CSGALNACT1: variants seen among roughly 807,000 people sequenced by gnomAD.
CSGALNACT1 encodes the protein beta4GalNAcT-1.
A neutral mutation model predicts 51.0 loss-of-function variants in CSGALNACT1; 52 were observed. The ratio of observed to expected loss-of-function variants is 1.02; its 90% CI spans 0.82 to 1.29. The LOEUF (loss-of-function observed/expected upper bound fraction) is 1.29, where lower values mean the gene tolerates loss of function less well. Ranked by LOEUF, CSGALNACT1 falls within the 50% of genes most tolerant of loss-of-function variation. The probability of loss-of-function intolerance (pLI) is 0.00; values close to 1 mark genes in which losing one functional copy is unlikely to be tolerated. For missense variants in CSGALNACT1, 935 were observed against 679.2 expected, an observed-to-expected ratio of 1.38 and a Z score of -4.19; for synonymous variants, 341 against 254.4, an observed-to-expected ratio of 1.34 and a Z score of -3.24.
intron 1 of CSGALNACT1, among the ~76,000 whole-genome samples, chr8:19,725,149 C>T (rs1023868684): frequency 2.0e-5 from 3 of 152,196 alleles, no homozygotes; most frequent in Admixed American, 6.5e-5. Flanking sequence ...ACCGAGTCTC[C>T]CTCTGACACT....
intron 6 of CSGALNACT1, among the ~76,000 whole-genome samples, chr8:19,429,149 G>A (rs914533226): frequency 4.6e-5 from 7 of 151,906 alleles, no homozygotes; most frequent in African/African-American, 1.7e-4. Flanking sequence ...TCCTATAAAT[G>A]GGATTATACA....
rs988892739 is a variant in CSGALNACT1, at chr8:19,553,636, TATAAAAAA to T, written c.-297+37516_-297+37523del. ...ATATAAATACATATATATATATATA[TATAAAAAA>T]ATATGTCAGCCTTTCTATTACTTCT... On this transcript the variant is annotated intron_variant, in intron 3 of 9. Transcript: ENST00000454498. Among the ~76,000 whole-genome samples the T allele has an allele frequency of 1.5e-4, 21 of 141,092 alleles. 2 individuals are homozygous for T. Among genetic ancestry groups the T allele is most frequent in the African/African-American group, 4.9e-4 (18 of 36,980 alleles). The allele number at this position is 141,092 out of a possible 152,430, so 92.6% of individuals were successfully genotyped here.
At chr8:19,572,902 C>A (rs1339442816) in intron 3 of CSGALNACT1, among the ~76,000 whole-genome samples, 2 of 152,134 alleles carry the variant, frequency 1.3e-5, no homozygotes, top group African/African-American at 2.4e-5. Flanking sequence ...AGTACTTTCT[C>A]CAGAAAATTG....
chr8:19,548,438 T>G (rs1224895462), intron 3 of CSGALNACT1, among the ~76,000 whole-genome samples: 1 of 152,206 alleles, frequency 6.6e-6, no homozygotes, highest in African/African-American at 2.4e-5. Flanking sequence ...AAAAACTCAC[T>G]GCTGTTTTTC....
intron 4 of CSGALNACT1, among the ~76,000 whole-genome samples, chr8:19,497,562 T>G (rs2075706068): frequency 1.3e-5 from 2 of 152,090 alleles, no homozygotes; most frequent in African/African-American, 4.8e-5. Flanking sequence ...GAATAATATG[T>G]TAAAGGCTCT....
chr8:19,542,973 G>C (rs1257988488), intron 3 of CSGALNACT1, among the ~76,000 whole-genome samples: 1 of 151,986 alleles, frequency 6.6e-6, no homozygotes, highest in East Asian at 1.9e-4. Flanking sequence ...AACAAGCAGA[G>C]AGCATGGTCT....
chr8:19,419,578 G>A (rs926473434), intron 7 of CSGALNACT1, among the ~76,000 whole-genome samples: 1 of 152,194 alleles, frequency 6.6e-6, no homozygotes, highest in African/African-American at 2.4e-5. Context: ...AGTCATTTTA[G>A]TACTGTGGGT....
intron 1 of CSGALNACT1, among the ~76,000 whole-genome samples, chr8:19,734,897 C>T (rs534915842): frequency 2.2e-4 from 33 of 151,790 alleles, no homozygotes; most frequent in South Asian, 2.1e-4. Flanking sequence ...TCTGAATGCA[C>T]GGTTGAGATG....
At chr8:19,733,512 C>G (rs1014267983) in intron 1 of CSGALNACT1, among the ~76,000 whole-genome samples, 1 of 152,032 alleles carries the variant, frequency 6.6e-6, no homozygotes, top group Non-Finnish European at 1.5e-5. Context: ...GAGCCAGCAG[C>G]TGTGTGACAT....
At chr8:19,450,295 G>A (rs1437423335) in intron 5 of CSGALNACT1, among the ~76,000 whole-genome samples, 1 of 148,468 alleles carries the variant, frequency 6.7e-6, no homozygotes, top group African/African-American at 2.5e-5. Context: ...AGGAGGAGAA[G>A]GAGGAGGAGG....
intron 3 of CSGALNACT1, among the ~76,000 whole-genome samples, chr8:19,574,254 T>C (rs1480328115): frequency 2.0e-5 from 3 of 152,216 alleles, no homozygotes; most frequent in Admixed American, 2.0e-4. Flanking sequence ...TGAGCTGCTC[T>C]ACTGGGGACT....
chr8:19,531,896 C>T (rs899765808), intron 3 of CSGALNACT1: 11 of 152,286 alleles, frequency 7.2e-5, no homozygotes, highest in African/African-American at 2.2e-4. Context: ...CAGATGGGGC[C>T]TCTGGGTTTC....
rs577844339 is a variant in CSGALNACT1, at chr8:19,573,160, A to G, written c.-297+18000T>C. Among the ~76,000 whole-genome samples, 21 of 152,332 alleles carry G rather than the reference A, an allele frequency of 1.4e-4. No homozygotes were observed. In the South Asian group the frequency reaches 4.3e-3, roughly 32 times the overall value. ...TTGATCTCAAGACATGAAAAAGATT[A>G]AGTCAGCTTGGTTCATCCTCTCCTC... On this transcript the variant is annotated intron_variant, in intron 3 of 9. Coordinates refer to ENST00000454498, the Ensembl canonical transcript of CSGALNACT1.
intron 6 of CSGALNACT1, among the ~76,000 whole-genome samples, chr8:19,432,622 G>GT (rs112535123): frequency 4.6e-5 from 7 of 151,696 alleles, no homozygotes; most frequent in South Asian, 2.1e-4. Flanking sequence ...TCTTTTTTCT[G>GT]TTTTTTTCTG....
At chr8:19,447,971 G>A (rs916748661) in intron 5 of CSGALNACT1, among the ~76,000 whole-genome samples, 3 of 152,224 alleles carry the variant, frequency 2.0e-5, no homozygotes, top group Admixed American at 1.3e-4. Context: ...TGGTGGGTAC[G>A]GTAGCAGCAG....
intron 1 of CSGALNACT1, among the ~76,000 whole-genome samples, chr8:19,698,073 G>A (rs571374361): frequency 2.0e-5 from 3 of 152,234 alleles, no homozygotes; most frequent in African/African-American, 7.2e-5. Context: ...CACTGCGGGG[G>A]CTGAAGAGTG....
chr8:19,485,647 T>C (rs1004755867), intron 4 of CSGALNACT1, among the ~76,000 whole-genome samples: 3 of 149,936 alleles, frequency 2.0e-5, no homozygotes, highest in African/African-American at 7.4e-5. Context: ...CCTTCACCCC[T>C]CCCAGAGACA....
intron 6 of CSGALNACT1, among the ~76,000 whole-genome samples, chr8:19,430,902 T>G (rs2059560554): frequency 6.6e-6 from 1 of 152,188 alleles, no homozygotes; most frequent in Admixed American, 6.5e-5. Context: ...TTGCACTTTT[T>G]TATTACATTC....
At chr8:19,502,632 C>T (rs1047370757) in intron 4 of CSGALNACT1, among the ~76,000 whole-genome samples, 7 of 152,172 alleles carry the variant, frequency 4.6e-5, no homozygotes, top group African/African-American at 1.7e-4. Context: ...GAAATTGCCT[C>T]AACCATGGAT....
Sources: gnomAD v4.1 joint callset for allele counts (sites outside exome capture counted in the v4.1 genomes callset) on GRCh38, gnomAD v4.1.1 for gene constraint, MANE v1.5 for transcripts, NCBI Gene and HGNC (gene_info 2026-07-23, HGNC 2026-07-21) for gene names.